The following OSBP2 variants were observed in gnomAD, a reference collection of about 807,000 sequenced individuals.
OSBP2 encodes the protein oxysterol binding protein 2, also known as oxysterol-binding protein 2.
A neutral mutation model predicts 96.0 loss-of-function variants in OSBP2; 66 were observed. The ratio of observed to expected loss-of-function variants is 0.69; its 90% confidence interval spans 0.56 to 0.84. The LOEUF (loss-of-function observed/expected upper bound fraction) is 0.84, where lower values mean the gene tolerates loss of function less well. OSBP2 is among the 40% of genes least tolerant of loss of function. The pLI, the probability that OSBP2 is intolerant of heterozygous loss-of-function variation, is 0.00. For synonymous variants in OSBP2, 525 were observed against 520.9 expected (o/e 1.01, Z -0.11); for missense variants, 1,038 against 1,222.7 (o/e 0.85, Z 2.25).
At chr22:30,795,728 A>G (rs761255704) in intron 2 of OSBP2, among the ~76,000 whole-genome samples, 3 of 152,174 alleles carry the variant, frequency 2.0e-5, no homozygotes, top group Admixed American at 1.3e-4. Flanking sequence ...CATGTTGGTC[A>G]GGCTGATCTC....
At chr22:30,849,234 AC>A (rs1318043455) in intron 2 of OSBP2, among the ~76,000 whole-genome samples, 1 of 152,164 alleles carries the variant, frequency 6.6e-6, no homozygotes, top group Non-Finnish European at 1.5e-5. Context: ...ATGCCACTGC[AC>A]TTCAGCCTGG....
At chr22:30,868,589 G>T (rs542455530) in intron 2 of OSBP2, among the ~76,000 whole-genome samples, 13 of 152,346 alleles carry the variant, frequency 8.5e-5, no homozygotes, top group African/African-American at 3.1e-4. Context: ...CTTCCTTCTG[G>T]GCTGCTGGGG....
At position 30,877,588 on chromosome 22, in the gene OSBP2, G is replaced by A. The variant is rs571364535; in HGVS notation, c.1107+6906G>A. 7.0e-4 allele frequency among the ~76,000 whole-genome samples: 106 copies of A among 152,280 alleles called. 1 individual carries two copies. Among genetic ancestry groups the A allele is most frequent in the African/African-American group, 2.2e-3 (90 of 41,554 alleles). ...AGCATCCATAAAGTGAAAAAGCTGC[G>A]GGAGCAGGTTCCGTCTGCAGGCCAG... On this transcript the variant is annotated intron_variant, in intron 3 of 13. Transcript: ENST00000332585.
chr22:30,830,831 T>G (rs931081218), intron 2 of OSBP2, among the ~76,000 whole-genome samples: 5 of 152,214 alleles, frequency 3.3e-5, no homozygotes, highest in African/African-American at 1.2e-4. Context: ...TAGGTCTCTA[T>G]TTTTGGTCAA....
intron 3 of OSBP2, among the ~76,000 whole-genome samples, chr22:30,886,745 C>A (rs2039818529): frequency 6.6e-6 from 1 of 152,164 alleles, no homozygotes; most frequent in African/African-American, 2.4e-5. Context: ...TAGGGCATGA[C>A]TCCCCAGACG....
At chr22:30,846,969 T>TTTTA (rs934186917) in intron 2 of OSBP2, among the ~76,000 whole-genome samples, 3 of 151,958 alleles carry the variant, frequency 2.0e-5, no homozygotes, top group East Asian at 1.9e-4. Context: ...CACTCTTAAA[T>TTTTA]TTTATTTATT....
chr22:30,710,174 C>T (rs1028224156), intron 1 of OSBP2, among the ~76,000 whole-genome samples: 5 of 152,142 alleles, frequency 3.3e-5, no homozygotes, highest in African/African-American at 4.8e-5. Context: ...TGTGAGCCAC[C>T]GTGCCCCGCC....
chr22:30,896,647 AT>A (rs60421891), intron 12 of OSBP2, among the ~76,000 whole-genome samples: 290 of 143,928 alleles, frequency 2.0e-3, no homozygotes, highest in Admixed American at 1.9e-3. Context: ...GGCAAACTGG[AT>A]TTTTTTTTTT....
In OSBP2 at chr22:30,774,246, A is replaced by C. The variant is rs565067806; in HGVS notation, c.853+32877A>C. On this transcript the variant is annotated intron_variant, in intron 2 of 13. Coordinates refer to ENST00000332585, the MANE Select transcript of OSBP2 (RefSeq NM_030758.4). ...TTGTCTCTAAAATAAGGATAGTTCC[A>C]GCCCTAGCCTACCTGACATCCACTG... Among the ~76,000 whole-genome samples the C allele has an allele frequency of 1.8e-4, 27 of 152,352 alleles. 4 individuals carry two copies. The highest frequency in any genetic ancestry group is 1.5e-3 in the Admixed American group (23 of 15,306).
Position 30,890,794 on chromosome 22 carries a change from C to T in OSBP2, c.1690C>T (p.Leu564=). 1 of 1,613,616 alleles carries T rather than the reference C, an allele frequency of 6.2e-7. No homozygotes were observed. Among genetic ancestry groups the T allele is most frequent in the Non-Finnish European group, 8.5e-7 (1 of 1,180,018 alleles). ...AGAGGACCTGGAGTACCACCACCTGCTGGACAAGGCAGTGCACTGCACCAG... is the reference window on the plus strand; with the variant it reads ...AGAGGACCTGGAGTACCACCACCTGTTGGACAAGGCAGTGCACTGCACCAG... ...LTEDLEYHHL[L]DKAVHCTSSV... Residue 564 remains leucine, a synonymous_variant, in exon 8 of 14, where the codon CTG becomes TTG. Transcript: ENST00000332585. The surrounding 1 kb of genome is among the most constrained non-coding windows in gnomAD (Gnocchi z 4.4).
In OSBP2 at chr22:30,813,912, C is replaced by T. The variant is rs1424048210; in HGVS notation, c.854-56517C>T. Among the ~76,000 whole-genome samples the T allele has an allele frequency of 2.6e-5, 4 of 151,642 alleles. No homozygotes were observed. In the South Asian group the frequency reaches 6.3e-4, roughly 24 times the overall value. ...CCGCCTCCCGGGTTCAAGCAATTCT[C>T]CTGCCTCAGCCTCCCTATTAGCTGG... On this transcript the variant is annotated intron_variant, in intron 2 of 13. Transcript: ENST00000332585.
chr22:30,891,351 C>T (rs1045627656), intron 8 of OSBP2, among the ~76,000 whole-genome samples: 2 of 152,128 alleles, frequency 1.3e-5, no homozygotes, highest in African/African-American at 2.4e-5. Context: ...AGCCTGGGTG[C>T]GGTGGGATGG....
intron 2 of OSBP2, among the ~76,000 whole-genome samples, chr22:30,853,258 T>C (rs929638591): frequency 2.6e-4 from 40 of 152,198 alleles, no homozygotes; most frequent in Admixed American, 1.3e-4. Flanking sequence ...CTCCTCTTAT[T>C]TCTGTTTTTG....
chr22:30,809,242 A>G (rs973439180), intron 2 of OSBP2, among the ~76,000 whole-genome samples: 1 of 152,220 alleles, frequency 6.6e-6, no homozygotes, highest in Non-Finnish European at 1.5e-5. Context: ...TGGCAGCCCT[A>G]GGAAACTAAC....
At chr22:30,876,431 A>G (rs2039579668) in intron 3 of OSBP2, among the ~76,000 whole-genome samples, 1 of 152,096 alleles carries the variant, frequency 6.6e-6, no homozygotes, top group East Asian at 1.9e-4. Context: ...TGGAAAGGAG[A>G]GCAGACTCCT....
At chr22:30,782,679 A>T (rs1196112130) in intron 2 of OSBP2, among the ~76,000 whole-genome samples, 1 of 152,184 alleles carries the variant, frequency 6.6e-6, no homozygotes, top group East Asian at 1.9e-4. Context: ...GTGGATGGAC[A>T]TTTGAGTTGT....
intron 2 of OSBP2, among the ~76,000 whole-genome samples, chr22:30,756,398 C>G (rs778959549): frequency 5.3e-4 from 80 of 152,092 alleles, no homozygotes; most frequent in Non-Finnish European, 8.5e-4. Context: ...ATGATAAAGA[C>G]CTTTTAGGGG....
chr22:30,816,145 T>C (rs937572569), intron 2 of OSBP2, among the ~76,000 whole-genome samples: 32 of 152,278 alleles, frequency 2.1e-4, no homozygotes, highest in African/African-American at 7.7e-4. Context: ...TAAAAAGTTT[T>C]GACAACTTTT....
At chr22:30,724,687 G>A (rs1002863144) in intron 1 of OSBP2, among the ~76,000 whole-genome samples, 5 of 152,196 alleles carry the variant, frequency 3.3e-5, no homozygotes, top group Admixed American at 3.3e-4. Context: ...CCGTTTGCAG[G>A]GTTTTGTGTG....
Sources: gnomAD v4.1 joint callset for allele counts (sites outside exome capture counted in the v4.1 genomes callset) on GRCh38, gnomAD v4.1.1 for gene constraint, Gnocchi (gnomAD v3.1) non-coding constraint, MANE v1.5 for transcripts, NCBI Gene and HGNC (gene_info 2026-07-23, HGNC 2026-07-21) for gene names.